The following FYB1 variants were observed in gnomAD, a reference collection of about 807,000 sequenced individuals.
The protein encoded by FYB1 is FYN binding protein 1, also known as FYN-binding protein 1.
In FYB1, 41 loss-of-function variants were observed where a neutral mutation model predicts 94.1. That is an observed-to-expected ratio of 0.44 (90% CI 0.34 to 0.57). FYB1 has a LOEUF of 0.57. FYB1 is among the 20% of genes least tolerant of loss of function. The pLI is 0.02. For synonymous variants in FYB1, 367 were observed against 353.2 expected, an observed-to-expected ratio of 1.04 and a Z score of -0.44; for missense variants, 1,050 against 976.8, an observed-to-expected ratio of 1.07 and a Z score of -1.00.
intron 1 of FYB1, among the ~76,000 whole-genome samples, chr5:39,209,525 C>T (rs1287619309): frequency 6.6e-6 from 1 of 152,106 alleles, no homozygotes; most frequent in Non-Finnish European, 1.5e-5. Flanking sequence ...GGGGTCTCAC[C>T]ATGTTGGCCA....
At chr5:39,268,933 A>G (rs1288610827) in intron 1 of FYB1, among the ~76,000 whole-genome samples, 2 of 152,222 alleles carry the variant, frequency 1.3e-5, no homozygotes, top group Non-Finnish European at 2.9e-5. Flanking sequence ...TACCAAATAC[A>G]TGCTATCCAG....
intron 2 of FYB1, among the ~76,000 whole-genome samples, chr5:39,188,992 A>G (rs1747111494): frequency 1.3e-5 from 2 of 152,326 alleles, no homozygotes; most frequent in Admixed American, 6.5e-5. Flanking sequence ...CCTTTGAAAG[A>G]TGAAGGCACA....
At chr5:39,271,410 A>G (rs1752660204) in intron 1 of FYB1, among the ~76,000 whole-genome samples, 1 of 152,170 alleles carries the variant, frequency 6.6e-6, no homozygotes. Context: ...TAATTGGAAT[A>G]TTTAGCCTTC....
At chr5:39,184,963 T>A (rs1044593389) in intron 2 of FYB1, among the ~76,000 whole-genome samples, 3 of 152,180 alleles carry the variant, frequency 2.0e-5, no homozygotes, top group African/African-American at 7.2e-5. Flanking sequence ...CAATATACAT[T>A]CATTCTTTTC....
At chr5:39,237,259 TA>T (rs988924271) in intron 1 of FYB1, among the ~76,000 whole-genome samples, 2 of 152,006 alleles carry the variant, frequency 1.3e-5, no homozygotes, top group African/African-American at 4.8e-5. Flanking sequence ...GGAAGGCAGT[TA>T]GGGGGATGTT....
intron 12 of FYB1, 23 bp from the exon 13 acceptor site, chr5:39,124,301 A>G (rs755578059): frequency 2.6e-6 from 4 of 1,532,186 alleles, no homozygotes; most frequent in East Asian, 2.4e-5. Flanking sequence ...TGAGAACACA[A>G]TTATAATCAG....
chr5:39,184,361 C>A (rs761087526), intron 2 of FYB1, among the ~76,000 whole-genome samples: 21 of 152,144 alleles, frequency 1.4e-4, no homozygotes, highest in Non-Finnish European at 2.5e-4. Context: ...GAGGTAGGTA[C>A]ACTTATCTTA....
intron 1 of FYB1, among the ~76,000 whole-genome samples, chr5:39,225,742 C>T (rs1314933903): frequency 6.6e-6 from 1 of 152,164 alleles, no homozygotes. Context: ...GCCCAATGAA[C>T]TGTCTTGAAC....
intron 15 of FYB1, 35 bp downstream of exon 15, chr5:39,119,500 C>A: frequency 7.0e-7 from 1 of 1,426,054 alleles, no homozygotes. Flanking sequence ...TTCAATAGTG[C>A]TTTGTACTTT....
At chr5:39,213,634 C>A (rs188466936) in intron 1 of FYB1, among the ~76,000 whole-genome samples, 13 of 152,242 alleles carry the variant, frequency 8.5e-5, no homozygotes, top group Admixed American at 2.6e-4. Context: ...CAAACAATTC[C>A]GTTTGTTTGA....
At chr5:39,163,828 A>G (rs1744478922) in intron 2 of FYB1, among the ~76,000 whole-genome samples, 1 of 132,400 alleles carries the variant, frequency 7.6e-6, no homozygotes, top group Admixed American at 8.6e-5. Flanking sequence ...GATACAACAT[A>G]TTTGGGCATA....
At position 39,235,381 on chromosome 5, in the gene FYB1, C is replaced by A. The variant is rs549541623; in HGVS notation, c.-27-32394G>T. Among the ~76,000 whole-genome samples, 7 of 151,780 alleles carry A rather than the reference C, an allele frequency of 4.6e-5. No individual in the cohort carries two copies. In the South Asian group the frequency reaches 1.5e-3, roughly 31 times the overall value. On this transcript the variant is annotated intron_variant, in intron 1 of 1. Coordinates refer to the FYB1 transcript ENST00000510188. ...TTGGGCTTAGAAAGGGGTCAGAGCA[C>A]AATTCAAAAATAAATAACTCTTGGC...
intron 3 of FYB1, among the ~76,000 whole-genome samples, chr5:39,142,285 C>G (rs561421531): frequency 1.3e-5 from 2 of 152,144 alleles, no homozygotes; most frequent in East Asian, 3.9e-4. Context: ...TGTGTGATTC[C>G]TCTCCACTCC....
chr5:39,199,485 A>C (rs957483390), intron 2 of FYB1, among the ~76,000 whole-genome samples: 4 of 152,178 alleles, frequency 2.6e-5, no homozygotes, highest in African/African-American at 7.2e-5. Context: ...CAAATTGTTA[A>C]ATTGATTAAG....
intron 3 of FYB1, among the ~76,000 whole-genome samples, chr5:39,147,239 A>G (rs1006061711): frequency 1.3e-5 from 2 of 152,148 alleles, no homozygotes; most frequent in East Asian, 3.9e-4. Flanking sequence ...CCTGATGTAT[A>G]AAGATGTAAA....
At chr5:39,133,161 G>A (rs1260441498) in intron 9 of FYB1, among the ~76,000 whole-genome samples, 6 of 152,158 alleles carry the variant, frequency 3.9e-5, no homozygotes, top group African/African-American at 1.4e-4. Flanking sequence ...CTTTATAAGT[G>A]TATTACTAAT....
intron 1 of FYB1, among the ~76,000 whole-genome samples, chr5:39,212,479 C>T (rs1248469573): frequency 6.6e-6 from 1 of 152,132 alleles, no homozygotes; most frequent in African/African-American, 2.4e-5. Context: ...AGGAATATGA[C>T]AATGTGGGAT....
chr5:39,225,521 T>A (rs1201737109), intron 1 of FYB1, among the ~76,000 whole-genome samples: 1 of 152,232 alleles, frequency 6.6e-6, no homozygotes, highest in African/African-American at 2.4e-5. Flanking sequence ...CCCATGCTGC[T>A]GGGGTGGAGC....
rs879457269 is a variant in FYB1, at chr5:39,242,474, C to A, written c.-28+31929G>T. 4.4e-4 allele frequency among the ~76,000 whole-genome samples: 67 copies of A among 152,106 alleles called. 2 individuals are homozygous for A. The highest frequency in any genetic ancestry group is 1.1e-3 in the Admixed American group (17 of 15,260). On this transcript the variant is annotated intron_variant, in intron 1 of 1. Transcript: ENST00000510188. ...TCCCTACAAAGGACATGAACTCATC[C>A]TTTTTTATGGCTGCATAGTATTCCA...
Sources: allele counts gnomAD v4.1 joint callset (sites outside exome capture counted in the v4.1 genomes callset), GRCh38; gene constraint gnomAD v4.1.1; transcripts MANE v1.5; gene names NCBI Gene and HGNC (gene_info 2026-07-23, HGNC 2026-07-21).